DSE: variants seen among roughly 807,000 people sequenced by gnomAD.
DSE encodes the protein dermatan sulfate epimerase.
Under a neutral mutation model 84.4 loss-of-function variants are expected in DSE, and 36 were observed. That is an observed-to-expected ratio of 0.43 (90% CI 0.33 to 0.56). DSE has a LOEUF of 0.56. Among genes scored for constraint, DSE ranks in the 20% least tolerant of loss-of-function variants. DSE has a pLI of 0.06. For missense variants in DSE, 862 were observed against 1,169.6 expected, an observed-to-expected ratio of 0.74 and a Z score of 3.84; for synonymous variants, 410 against 430.1, an observed-to-expected ratio of 0.95 and a Z score of 0.58.
At chr6:116,419,297 C>T (rs1782925563) in intron 2 of DSE, among the ~76,000 whole-genome samples, 1 of 152,310 alleles carries the variant, frequency 6.6e-6, no homozygotes, top group South Asian at 2.1e-4. Flanking sequence ...ATATTACTAA[C>T]ATTTAACATT....
chr6:116,430,842 G>A (rs1783785559), intron 3 of DSE, 112 bp from the exon 4 acceptor site: 12 of 1,444,494 alleles, frequency 8.3e-6, no homozygotes, highest in Admixed American at 2.2e-5. Context: ...TTTACAAAAC[G>A]CGATTTGTAA....
intron 2 of DSE, among the ~76,000 whole-genome samples, chr6:116,320,116 A>G (rs1776212122): frequency 6.6e-6 from 1 of 152,218 alleles, no homozygotes. Context: ...TGGGTTTTAG[A>G]TTAGTGCCCA....
Position 116,436,582 on chromosome 6 carries a change from G to T in DSE, c.2114G>T (p.Gly705Val), listed in dbSNP as rs1784171308. ...ATYLWTGEAT[G>V]QSAFAQVIAD... Reference sequence around the variant, plus strand: ...TACCTGTGGACAGGTGAGGCCACAGGACAGTCTGCCTTTGCACAGGTCATT... The same window carrying T: ...TACCTGTGGACAGGTGAGGCCACAGTACAGTCTGCCTTTGCACAGGTCATT... Residue 705 changes from glycine to valine, a missense_variant, in exon 6 of 6, where the codon GGA becomes GTA. Physicochemically the swap from Gly to Val is moderately radical, Grantham distance 109. Transcript: ENST00000644252. The T allele has an allele frequency of 6.2e-7, 1 of 1,614,172 alleles. No individual in the cohort carries two copies. The highest frequency in any genetic ancestry group is 2.2e-5 in the East Asian group (1 of 44,890).
chr6:116,325,790 C>G (rs1776580506), intron 2 of DSE, among the ~76,000 whole-genome samples: 1 of 152,148 alleles, frequency 6.6e-6, no homozygotes, highest in Non-Finnish European at 1.5e-5. Context: ...CCTCAGACAC[C>G]AAGTTAAAGA....
intron 2 of DSE, among the ~76,000 whole-genome samples, chr6:116,282,666 C>G (rs1203831984): frequency 6.6e-6 from 1 of 152,038 alleles, no homozygotes; most frequent in Non-Finnish European, 1.5e-5. Context: ...CTCATGTTCT[C>G]TGTGTATTAG....
chr6:116,259,397 A>G (rs1295659531), intron 2 of DSE, among the ~76,000 whole-genome samples: 2 of 152,222 alleles, frequency 1.3e-5, no homozygotes, highest in Non-Finnish European at 2.9e-5. Flanking sequence ...TGCTCTTCTG[A>G]GATAGATTTT....
intron 2 of DSE, among the ~76,000 whole-genome samples, chr6:116,405,710 C>T (rs1259841008): frequency 1.3e-5 from 2 of 152,152 alleles, no homozygotes; most frequent in East Asian, 1.9e-4. Flanking sequence ...TCTTGAATGC[C>T]GTTTATTAAG....
intron 2 of DSE, among the ~76,000 whole-genome samples, chr6:116,285,793 C>G (rs968151827): frequency 6.6e-6 from 1 of 152,186 alleles, no homozygotes; most frequent in Non-Finnish European, 1.5e-5. Context: ...TTTCCCATTT[C>G]TTGTTTTTCT....
intron 2 of DSE, among the ~76,000 whole-genome samples, chr6:116,275,997 G>T (rs1270940563): frequency 6.6e-6 from 1 of 152,174 alleles, no homozygotes; most frequent in Admixed American, 6.5e-5. Context: ...GTTCCCCAAA[G>T]AAGGGAATGG....
intron 2 of DSE, among the ~76,000 whole-genome samples, chr6:116,417,411 G>A (rs1369239440): frequency 2.6e-5 from 4 of 152,016 alleles, no homozygotes; most frequent in African/African-American, 7.2e-5. Context: ...CCGACACTTC[G>A]ATTCTTTTTA....
At chr6:116,346,703 C>T (rs1028955854) in intron 2 of DSE, among the ~76,000 whole-genome samples, 1 of 152,152 alleles carries the variant, frequency 6.6e-6, no homozygotes, top group Admixed American at 6.5e-5. Context: ...CATTTGAAAA[C>T]TAGCACAAGA....
intron 2 of DSE, among the ~76,000 whole-genome samples, chr6:116,330,519 A>G (rs1029895670): frequency 1.3e-5 from 2 of 152,210 alleles, no homozygotes; most frequent in African/African-American, 2.4e-5. Flanking sequence ...AGAAAGAGCT[A>G]CCCTTAAATA....
rs549052191 is a variant in DSE, at chr6:116,360,088, C to A, written c.-53-39110C>A. Among the ~76,000 whole-genome samples, 3 of 152,286 alleles carry A rather than the reference C, an allele frequency of 2.0e-5. No homozygotes were observed. In the East Asian group the frequency reaches 5.8e-4, roughly 29 times the overall value. On this transcript the variant is annotated intron_variant, in intron 2 of 3. Coordinates refer to the DSE transcript ENST00000430252. ...TCATGGATGGAGTCATTATCCTCAGCAAACTAACGCAGGAACAGAAAACCA... is the reference window on the plus strand; with the variant it reads ...TCATGGATGGAGTCATTATCCTCAGAAAACTAACGCAGGAACAGAAAACCA...
At chr6:116,273,839 T>TG (rs1206268003) in intron 2 of DSE, among the ~76,000 whole-genome samples, 1 of 150,962 alleles carries the variant, frequency 6.6e-6, no homozygotes, top group Non-Finnish European at 1.5e-5. Context: ...TTTTTGTTTT[T>TG]TTTTTTTTTT....
intron 2 of DSE, among the ~76,000 whole-genome samples, chr6:116,281,973 A>G (rs1392001022): frequency 2.6e-5 from 4 of 152,252 alleles, no homozygotes; most frequent in Non-Finnish European, 5.9e-5. Flanking sequence ...AGAGAAAACA[A>G]TTTTATTTTA....
chr6:116,270,366 T>C (rs1476910622), intron 2 of DSE, among the ~76,000 whole-genome samples: 1 of 152,176 alleles, frequency 6.6e-6, no homozygotes, highest in Admixed American at 6.5e-5. Context: ...CTCTTAATTG[T>C]ATTGTCCAAG....
At chr6:116,363,375 CTTTG>C (rs939001143) in intron 2 of DSE, among the ~76,000 whole-genome samples, 1 of 146,936 alleles carries the variant, frequency 6.8e-6, no homozygotes, top group Non-Finnish European at 1.5e-5. Context: ...CATGTGTGTG[CTTTG>C]TGTGTGTGTG....
At chr6:116,298,507 C>T (rs1032734693) in intron 2 of DSE, among the ~76,000 whole-genome samples, 2 of 152,158 alleles carry the variant, frequency 1.3e-5, no homozygotes, top group African/African-American at 4.8e-5. Context: ...ATGTGGGCAG[C>T]ATCTAGAAGC....
At chr6:116,368,679 A>G (rs1779311449), upstream of DSE, among the ~76,000 whole-genome samples, 1 of 152,258 alleles carries the variant, frequency 6.6e-6, no homozygotes, top group Admixed American at 6.5e-5. Flanking sequence ...CAACAAAGCC[A>G]TTAAACATCT....
Sources: gnomAD v4.1 joint callset for allele counts (sites outside exome capture counted in the v4.1 genomes callset) on GRCh38, gnomAD v4.1.1 for gene constraint, MANE v1.5 for transcripts, NCBI Gene and HGNC (gene_info 2026-07-23, HGNC 2026-07-21) for gene names.